FRMD4A: variants seen among roughly 807,000 people sequenced by gnomAD.
FRMD4A encodes the protein FERM domain containing 4A.
Under a neutral mutation model 129.1 loss-of-function variants are expected in FRMD4A, and 29 were observed. The ratio of observed to expected loss-of-function variants is 0.22; its 90% confidence interval spans 0.17 to 0.31. The LOEUF is 0.31. FRMD4A is among the 10% of genes least tolerant of loss of function. The probability of loss-of-function intolerance (pLI) is 1.00; values close to 1 mark genes in which losing one functional copy is unlikely to be tolerated. For synonymous variants in FRMD4A, 634 were observed against 571.6 expected (o/e 1.11, Z -1.56); for missense variants, 1,272 against 1,375.8 (o/e 0.92, Z 1.19).
At chr10:14,198,636 A>G (rs958368987) in intron 2 of FRMD4A, among the ~76,000 whole-genome samples, 5 of 152,122 alleles carry the variant, frequency 3.3e-5, no homozygotes, top group Non-Finnish European at 5.9e-5. Flanking sequence ...CTTATCACAG[A>G]TATGTTTTGT....
chr10:14,102,233 A>T (rs527584617), intron 2 of FRMD4A, among the ~76,000 whole-genome samples: 1 of 152,256 alleles, frequency 6.6e-6, no homozygotes, highest in East Asian at 1.9e-4. Context: ...ATCACATTCA[A>T]CAGATGCACT....
chr10:13,778,623 T>TGTGTGTGTGTG lies in FRMD4A; in HGVS notation c.384+4298_384+4299insCACACACACAC, dbSNP rs1240640403. ...CGTGTGTGTGTGTGTGTGTGTGTGTTTGTGTGTGTGTTAAGGTTTAATGGG... is the reference window on the plus strand; with the variant it reads ...CGTGTGTGTGTGTGTGTGTGTGTGTTGTGTGTGTGTGTGTGTGTGTGTTAAGGTTTAATGGG... On this transcript the variant is annotated intron_variant, in intron 6 of 24. Transcript: ENST00000357447. 6.5e-3 allele frequency among the ~76,000 whole-genome samples: 897 copies of TGTGTGTGTGTG among 138,574 alleles called. 30 individuals are homozygous for TGTGTGTGTGTG. The East Asian group carries it at 0.07, about 11-fold the overall frequency. The allele number at this position is 138,574 out of a possible 152,430, so 90.9% of individuals were successfully genotyped here.
chr10:14,055,383 G>C (rs551033579), intron 2 of FRMD4A, among the ~76,000 whole-genome samples: 1 of 151,438 alleles, frequency 6.6e-6, no homozygotes, highest in African/African-American at 2.4e-5. Flanking sequence ...AGAAGGTAAG[G>C]CTTGTGTTTC....
intron 2 of FRMD4A, among the ~76,000 whole-genome samples, chr10:13,900,184 T>C (rs1480263729): frequency 6.6e-6 from 1 of 152,240 alleles, no homozygotes; most frequent in Non-Finnish European, 1.5e-5. Context: ...TCCTGTCATG[T>C]GTGGCCTGCG....
At chr10:13,657,873 A>G (rs773422378) in intron 21 of FRMD4A, among the ~76,000 whole-genome samples, 1 of 151,022 alleles carries the variant, frequency 6.6e-6, no homozygotes, top group Non-Finnish European at 1.5e-5. Flanking sequence ...AGGGCTGGGC[A>G]CTGTGGTCCA....
intron 19 of FRMD4A, among the ~76,000 whole-genome samples, chr10:13,661,472 A>G (rs9787418): frequency 0.8 from 121,603 of 152,028 alleles, 48,936 homozygotes; most frequent in East Asian, 0.87. Flanking sequence ...GAGTAAGGGC[A>G]GAGCTCTGGC....
intron 2 of FRMD4A, among the ~76,000 whole-genome samples, chr10:14,123,177 C>A (rs1589024171): frequency 6.6e-6 from 1 of 152,098 alleles, no homozygotes; most frequent in East Asian, 1.9e-4. Flanking sequence ...ATGACCCTTG[C>A]AAGTTGCTGA....
chr10:13,972,403 G>A (rs1185811902), intron 2 of FRMD4A: 3 of 798,876 alleles, frequency 3.8e-6, no homozygotes, highest in African/African-American at 3.7e-5. Flanking sequence ...AAGAAGCCAG[G>A]CATTTTCTTT....
intron 2 of FRMD4A, among the ~76,000 whole-genome samples, chr10:14,090,383 A>C (rs577668040): frequency 1.3e-5 from 2 of 152,320 alleles, no homozygotes; most frequent in African/African-American, 4.8e-5. Flanking sequence ...TAGTACAGTC[A>C]AGGCAGACGC....
intron 22 of FRMD4A, among the ~76,000 whole-genome samples, chr10:13,656,335 CCTAA>C (rs140568186): frequency 0.013 from 1,968 of 152,264 alleles, 47 homozygotes; most frequent in African/African-American, 0.044. Context: ...TTTTACTTTA[CCTAA>C]CTAACTTTCT....
chr10:14,114,708 T>C (rs758306505), intron 2 of FRMD4A, among the ~76,000 whole-genome samples: 1 of 152,182 alleles, frequency 6.6e-6, no homozygotes, highest in Non-Finnish European at 1.5e-5. Context: ...TGGGGTCAGC[T>C]GACATTTTTT....
chr10:14,079,235 A>G (rs934896572), intron 2 of FRMD4A, among the ~76,000 whole-genome samples: 1 of 152,254 alleles, frequency 6.6e-6, no homozygotes, highest in Non-Finnish European at 1.5e-5. Flanking sequence ...AAAATGGCCA[A>G]ACTGGGATTT....
chr10:14,198,760 C>T (rs940573464), intron 2 of FRMD4A, among the ~76,000 whole-genome samples: 2 of 152,198 alleles, frequency 1.3e-5, no homozygotes, highest in Non-Finnish European at 2.9e-5. Context: ...AGCTTTCCTA[C>T]AAAACTCCAG....
chr10:13,882,886 C>G (rs1012401198), intron 2 of FRMD4A, among the ~76,000 whole-genome samples: 2 of 151,642 alleles, frequency 1.3e-5, no homozygotes, highest in African/African-American at 4.8e-5. Flanking sequence ...TCACTGCAAC[C>G]TCTGCCTTCT....
chr10:13,784,126 T>C (rs1221805333), intron 5 of FRMD4A, among the ~76,000 whole-genome samples: 2 of 152,086 alleles, frequency 1.3e-5, no homozygotes, highest in Non-Finnish European at 2.9e-5. Flanking sequence ...TCTTGGAAAC[T>C]GGGTTCACCA....
At chr10:13,942,604 A>G (rs1256084630) in intron 2 of FRMD4A, among the ~76,000 whole-genome samples, 1 of 152,232 alleles carries the variant, frequency 6.6e-6, no homozygotes, top group African/African-American at 2.4e-5. Flanking sequence ...GTGCAAAAAC[A>G]GAAAGTCTTA....
At chr10:13,725,052 T>C (rs1052145018) in intron 12 of FRMD4A, among the ~76,000 whole-genome samples, 6 of 152,242 alleles carry the variant, frequency 3.9e-5, no homozygotes, top group African/African-American at 1.4e-4. Context: ...CTGTTGCTTT[T>C]CATCCTTTCT....
intron 2 of FRMD4A, among the ~76,000 whole-genome samples, chr10:13,983,491 C>T (rs1477779916): frequency 6.6e-6 from 1 of 151,930 alleles, no homozygotes; most frequent in African/African-American, 2.4e-5. Flanking sequence ...CAAAAAAACC[C>T]AGAATATATA....
chr10:13,975,631 ATG>A (rs1220976588), intron 2 of FRMD4A, among the ~76,000 whole-genome samples: 3 of 148,068 alleles, frequency 2.0e-5, no homozygotes, highest in African/African-American at 7.5e-5. Flanking sequence ...GTGTCTATCC[ATG>A]TGTGTGTGAA....
Sources: gnomAD v4.1 joint callset for allele counts (sites outside exome capture counted in the v4.1 genomes callset) on GRCh38, gnomAD v4.1.1 for gene constraint, MANE v1.5 for transcripts, NCBI Gene and HGNC (gene_info 2026-07-23, HGNC 2026-07-21) for gene names.